EHMT1: variants seen among roughly 807,000 people sequenced by gnomAD.
EHMT1 encodes the protein histone-lysine N-methyltransferase EHMT1.
In EHMT1, 15 loss-of-function variants were observed where a neutral mutation model predicts 147.2. The ratio of observed to expected loss-of-function variants is 0.10; its 90% CI spans 0.07 to 0.16. The LOEUF (loss-of-function observed/expected upper bound fraction) is 0.16, where lower values mean the gene tolerates loss of function less well. Among genes scored for constraint, EHMT1 ranks in the 10% least tolerant of loss-of-function variants. EHMT1 has a pLI of 1.00. For synonymous variants in EHMT1, 795 were observed against 709.6 expected, an observed-to-expected ratio of 1.12 and a Z score of -1.91; for missense variants, 1,587 against 1,772.4, an observed-to-expected ratio of 0.90 and a Z score of 1.88.
intron 17 of EHMT1, among the ~76,000 whole-genome samples, chr9:137,799,609 C>T (rs1953277218): frequency 6.6e-6 from 1 of 152,180 alleles, no homozygotes; most frequent in Non-Finnish European, 1.5e-5. Flanking sequence ...CACTGGGGGT[C>T]CCTCCTGCAT....
At chr9:137,632,923 C>T (rs904354153) in intron 1 of EHMT1, among the ~76,000 whole-genome samples, 1 of 152,212 alleles carries the variant, frequency 6.6e-6, no homozygotes, top group Admixed American at 6.5e-5. Context: ...GGAGTGACCT[C>T]ATCAGGTTTG....
chr9:137,794,528 T>G (rs1952756794), intron 16 of EHMT1, among the ~76,000 whole-genome samples: 1 of 151,918 alleles, frequency 6.6e-6, no homozygotes, highest in Non-Finnish European at 1.5e-5. Context: ...GTGCCTGTAG[T>G]CATAGCCCCT....
At chr9:137,654,108 G>A (rs1306533138) in intron 1 of EHMT1, among the ~76,000 whole-genome samples, 3 of 152,134 alleles carry the variant, frequency 2.0e-5, no homozygotes, top group Admixed American at 6.5e-5. Context: ...TAGGCTGGGC[G>A]CGGTGGCTCA....
chr9:137,762,976 C>T (rs1949948916), intron 10 of EHMT1, 156 bp downstream of exon 10: 6 of 915,590 alleles, frequency 6.6e-6, no homozygotes. Context: ...CAGATCCCAA[C>T]AGTGAAATCA....
Position 137,702,528 on chromosome 9 carries a change from G to A in EHMT1, c.22-8439G>A, listed in dbSNP as rs937198243. On this transcript the variant is annotated intron_variant, in intron 1 of 26. Coordinates refer to ENST00000460843, the MANE Select transcript of EHMT1 (RefSeq NM_024757.5). ...CCAGGCCACACTGGTGGAAGGGGTG[G>A]GCTCCCAAGGCCTTGGGCAGCTCTG... Among the ~76,000 whole-genome samples, 3 of 152,162 alleles carry A rather than the reference G, an allele frequency of 2.0e-5. No individual in the cohort carries two copies. In the East Asian group the frequency reaches 5.8e-4, roughly 29 times the overall value.
intron 1 of EHMT1, among the ~76,000 whole-genome samples, chr9:137,669,318 G>T (rs1195651549): frequency 1.4e-5 from 2 of 141,840 alleles, no homozygotes; most frequent in African/African-American, 2.7e-5. Context: ...CCCCTGGAAA[G>T]ACGCCCCCAC....
At chr9:137,791,002 T>C in intron 16 of EHMT1, 32 bp downstream of exon 16, 1 of 1,614,032 alleles carries the variant, frequency 6.2e-7, no homozygotes, top group African/African-American at 1.3e-5. Context: ...AACGTCCTAG[T>C]GTGTGTGTAG....
chr9:137,774,678 T>C (rs1325095371), intron 10 of EHMT1, among the ~76,000 whole-genome samples: 3 of 137,990 alleles, frequency 2.2e-5, no homozygotes, highest in African/African-American at 8.9e-5. Context: ...CCTGGCCCCC[T>C]GGATCTGGTG....
At chr9:137,635,663 A>G (rs1314731608) in intron 1 of EHMT1, among the ~76,000 whole-genome samples, 1 of 151,300 alleles carries the variant, frequency 6.6e-6, no homozygotes, top group South Asian at 2.1e-4. Context: ...TACTAAAAAT[A>G]CAAAAAATTA....
At chr9:137,650,043 T>C (rs1013798585) in intron 1 of EHMT1, among the ~76,000 whole-genome samples, 2 of 152,174 alleles carry the variant, frequency 1.3e-5, no homozygotes, top group African/African-American at 4.8e-5. Flanking sequence ...CTAACATTCC[T>C]GCCAGCAGTG....
At chr9:137,824,744 T>C (rs1206922086) in intron 25 of EHMT1, among the ~76,000 whole-genome samples, 2 of 152,242 alleles carry the variant, frequency 1.3e-5, no homozygotes, top group African/African-American at 4.8e-5. Flanking sequence ...ATACTTTTCA[T>C]GTATTATAAA....
intron 25 of EHMT1, among the ~76,000 whole-genome samples, chr9:137,820,816 T>C (rs1282364861): frequency 6.6e-6 from 1 of 152,258 alleles, no homozygotes; most frequent in African/African-American, 2.4e-5. Context: ...GCCTGGGCTG[T>C]GTTACCTTAA....
At chr9:137,637,142 C>T (rs1036501799) in intron 1 of EHMT1, among the ~76,000 whole-genome samples, 12 of 151,570 alleles carry the variant, frequency 7.9e-5, no homozygotes, top group Admixed American at 7.9e-4. Flanking sequence ...CGTGATCTGC[C>T]CGTCTCCACC....
At chr9:137,816,686 T>TTATGCACACTTAAATTTAGC (rs1476266062) in intron 23 of EHMT1, 7 of 166,902 alleles carry the variant, frequency 4.2e-5, no homozygotes, top group African/African-American at 1.7e-4. Context: ...TAAGGGAAAG[T>TTATGCACACTTAAATTTAGC]TATGCACACT....
At chr9:137,727,817 C>G (rs1273348690) in intron 3 of EHMT1, among the ~76,000 whole-genome samples, 3 of 152,218 alleles carry the variant, frequency 2.0e-5, no homozygotes, top group Non-Finnish European at 2.9e-5. Context: ...ATCACTGAGA[C>G]TGAGTAAAAT....
chr9:137,818,002 TGTC>T, intron 24 of EHMT1, 55 bp from the exon 25 acceptor site: 1 of 1,549,842 alleles, frequency 6.5e-7, no homozygotes, highest in Non-Finnish European at 8.9e-7. Context: ...GGGCTGTGCT[TGTC>T]TGTGGGCAGT....
intron 1 of EHMT1, among the ~76,000 whole-genome samples, chr9:137,622,550 C>T (rs1842999467): frequency 6.6e-6 from 1 of 152,146 alleles, no homozygotes; most frequent in South Asian, 2.1e-4. Flanking sequence ...TATGGACTTC[C>T]ATTAATGGTG....
intron 23 of EHMT1, chr9:137,817,236 T>A (rs771209027): frequency 1.6e-6 from 1 of 641,742 alleles, no homozygotes; most frequent in Non-Finnish European, 2.8e-6. Context: ...TGGGCTGGGG[T>A]GCTCCTGGCT....
At chr9:137,707,112 A>G (rs1436384450) in intron 1 of EHMT1, among the ~76,000 whole-genome samples, 1 of 152,218 alleles carries the variant, frequency 6.6e-6, no homozygotes, top group East Asian at 1.9e-4. Context: ...GGCGTGAGCC[A>G]GCGCGCCTGG....
Sources: gnomAD v4.1 joint callset for allele counts (sites outside exome capture counted in the v4.1 genomes callset) on GRCh38, gnomAD v4.1.1 for gene constraint, MANE v1.5 for transcripts, NCBI Gene and HGNC (gene_info 2026-07-23, HGNC 2026-07-21) for gene names.